Variants in NFKB1 observed in about 807,000 individuals in gnomAD.
NFKB1 encodes the protein nuclear factor NF-kappa-B p105 subunit.
A neutral mutation model predicts 105.1 loss-of-function variants in NFKB1; 9 were observed. That is an observed-to-expected ratio of 0.09 (90% CI 0.05 to 0.15). The LOEUF (loss-of-function observed/expected upper bound fraction) is 0.15. Among genes scored for constraint, NFKB1 ranks in the 10% least tolerant of loss-of-function variants. The probability of loss-of-function intolerance (pLI) is 1.00; values close to 1 mark genes in which losing one functional copy is unlikely to be tolerated. For synonymous variants in NFKB1, 440 were observed against 442.2 expected, an observed-to-expected ratio of 1.00 and a Z score of 0.06; for missense variants, 830 against 1,203.7, an observed-to-expected ratio of 0.69 and a Z score of 4.59.
chr4:102,614,210 C>T (rs1728719298), intron 23 of NFKB1, among the ~76,000 whole-genome samples: 1 of 152,220 alleles, frequency 6.6e-6, no homozygotes, highest in African/African-American at 2.4e-5. Flanking sequence ...TGCCAGCCCA[C>T]CTGTGCCTGT....
intron 13 of NFKB1, among the ~76,000 whole-genome samples, chr4:102,595,239 A>T (rs1726511112): frequency 6.6e-6 from 1 of 152,204 alleles, no homozygotes; most frequent in Non-Finnish European, 1.5e-5. Flanking sequence ...GAAAAGAGAC[A>T]ACAGAGACCT....
chr4:102,531,700 C>CTT (rs199869161), intron 3 of NFKB1, among the ~76,000 whole-genome samples: 2,708 of 152,170 alleles, frequency 0.018, 38 homozygotes, highest in African/African-American at 0.045. Context: ...ATCTAATTTT[C>CTT]TAGTTGATTT....
intron 4 of NFKB1, among the ~76,000 whole-genome samples, chr4:102,536,945 C>A (rs976418973): frequency 6.6e-6 from 1 of 152,086 alleles, no homozygotes; most frequent in Non-Finnish European, 1.5e-5. Flanking sequence ...GGAAATACAG[C>A]GAAACCTCCC....
intron 4 of NFKB1, among the ~76,000 whole-genome samples, chr4:102,534,778 C>A (rs67147511): frequency 0.018 from 2,706 of 152,246 alleles, 39 homozygotes; most frequent in African/African-American, 0.045. Flanking sequence ...TCTAAGTATT[C>A]TTTTCATTAG....
chr4:102,511,816 A>G (rs901544716), intron 1 of NFKB1, among the ~76,000 whole-genome samples: 1 of 152,252 alleles, frequency 6.6e-6, no homozygotes, highest in Non-Finnish European at 1.5e-5. Context: ...CGTTTAACCT[A>G]GTGGGTGGTC....
At chr4:102,535,353 T>A (rs148923845) in intron 4 of NFKB1, among the ~76,000 whole-genome samples, 1 of 152,144 alleles carries the variant, frequency 6.6e-6, no homozygotes, top group African/African-American at 2.4e-5. Context: ...GATCCAACAG[T>A]TATAAGGAAA....
chr4:102,527,786 G>A (rs761278422), intron 2 of NFKB1, among the ~76,000 whole-genome samples: 28 of 152,132 alleles, frequency 1.8e-4, no homozygotes, highest in Non-Finnish European at 3.2e-4. Flanking sequence ...TAACCAGCAT[G>A]AGGATTGTGT....
chr4:102,602,469 G>T (rs1419888550), intron 16 of NFKB1, among the ~76,000 whole-genome samples: 6 of 151,720 alleles, frequency 4.0e-5, no homozygotes, highest in African/African-American at 1.5e-4. Flanking sequence ...GAACCTGGAG[G>T]CTGAGCTTGC....
chr4:102,504,839 TG>T (rs944320111), intron 1 of NFKB1, among the ~76,000 whole-genome samples: 2 of 152,212 alleles, frequency 1.3e-5, no homozygotes, highest in Non-Finnish European at 2.9e-5. Context: ...TTGAACGTTT[TG>T]GCATAGTCCT....
At chr4:102,526,308 G>A (rs964186614) in intron 2 of NFKB1, among the ~76,000 whole-genome samples, 2 of 152,122 alleles carry the variant, frequency 1.3e-5, no homozygotes, top group African/African-American at 4.8e-5. Context: ...TGGATGTAGA[G>A]AGTGGAATGA....
chr4:102,523,724 TATTA>T (rs1243200956), intron 1 of NFKB1, among the ~76,000 whole-genome samples: 2 of 152,212 alleles, frequency 1.3e-5, no homozygotes, highest in Non-Finnish European at 2.9e-5. Flanking sequence ...TCCCCTAGGC[TATTA>T]ATCATCATGT....
At chr4:102,532,500 G>A (rs539268101) in intron 3 of NFKB1, among the ~76,000 whole-genome samples, 17 of 152,046 alleles carry the variant, frequency 1.1e-4, no homozygotes, top group Non-Finnish European at 2.5e-4. Context: ...ATGGTGGTAG[G>A]CGCCTGTAAT....
intron 1 of NFKB1, among the ~76,000 whole-genome samples, chr4:102,518,016 C>T (rs1203201406): frequency 6.6e-6 from 1 of 152,058 alleles, no homozygotes. Context: ...AGTACAGAGC[C>T]TATTACTGTC....
At chr4:102,503,744 A>G (rs546017257) in intron 1 of NFKB1, among the ~76,000 whole-genome samples, 38 of 152,192 alleles carry the variant, frequency 2.5e-4, no homozygotes, top group Non-Finnish European at 4.7e-4. Flanking sequence ...TGATTAAAGC[A>G]CAATTAATCT....
At chr4:102,611,981 A>C in intron 20 of NFKB1, 63 bp from the exon 21 acceptor site, 1 of 1,360,848 alleles carries the variant, frequency 7.3e-7, no homozygotes, top group Non-Finnish European at 1.0e-6. Context: ...TATTATAAAG[A>C]AACAGACTGC....
chr4:102,532,764 A>G (rs1021731191), intron 3 of NFKB1, among the ~76,000 whole-genome samples: 12 of 152,230 alleles, frequency 7.9e-5, no homozygotes, highest in Non-Finnish European at 2.9e-5. Flanking sequence ...GAAAATGAAG[A>G]TTAAAATGGA....
At chr4:102,567,828 C>T (rs1724001309) in intron 6 of NFKB1, among the ~76,000 whole-genome samples, 1 of 152,126 alleles carries the variant, frequency 6.6e-6, no homozygotes, top group African/African-American at 2.4e-5. Flanking sequence ...TGCTAAAAAA[C>T]TTGTATTTTC....
intron 14 of NFKB1, 74 bp from the exon 15 acceptor site, chr4:102,597,446 T>G: frequency 1.4e-6 from 2 of 1,448,510 alleles, no homozygotes; most frequent in Admixed American, 4.2e-5. Context: ...GCTGGTCAGT[T>G]TGTCCTTAAG....
intron 16 of NFKB1, among the ~76,000 whole-genome samples, chr4:102,603,369 C>T (rs1231573541): frequency 6.8e-6 from 1 of 147,820 alleles, no homozygotes; most frequent in Non-Finnish European, 1.5e-5. Flanking sequence ...CTGCGTCTGG[C>T]CAGTAGCTAT....
Sources: gnomAD v4.1 joint callset for allele counts (sites outside exome capture counted in the v4.1 genomes callset) on GRCh38, gnomAD v4.1.1 for gene constraint, MANE v1.5 for transcripts, NCBI Gene and HGNC (gene_info 2026-07-23, HGNC 2026-07-21) for gene names.